The following PRR16 variants were observed in gnomAD, a reference collection of about 807,000 sequenced individuals.
PRR16 encodes the protein proline rich 16.
In PRR16, 6 loss-of-function variants were observed where a neutral mutation model predicts 18.2. The observed-to-expected ratio is 0.33, with a 90% confidence interval of 0.18 to 0.65. PRR16 has a LOEUF of 0.65. Ranked by LOEUF, PRR16 falls within the 30% of genes least tolerant of loss-of-function variation. The pLI, the probability that PRR16 is intolerant of heterozygous loss-of-function variation, is 0.74. For missense variants in PRR16, 412 were observed against 376.6 expected, an observed-to-expected ratio of 1.09 and a Z score of -0.78; for synonymous variants, 151 against 147.8, an observed-to-expected ratio of 1.02 and a Z score of -0.16.
chr5:120,752,174 A>G, the PRR16 span, among the ~76,000 whole-genome samples: 2 of 152,104 alleles, frequency 1.3e-5, no homozygotes, highest in African/African-American at 4.8e-5. Context: ...TTCCAAATAG[A>G]AAATTGGTCA....
At chr5:120,513,749 T>A (rs1270184336) in intron 1 of PRR16, among the ~76,000 whole-genome samples, 1 of 151,216 alleles carries the variant, frequency 6.6e-6, no homozygotes, top group African/African-American at 2.4e-5. Flanking sequence ...AACATAGAGA[T>A]CCCATCTGTT....
chr5:120,721,738 T>C, the PRR16 span, among the ~76,000 whole-genome samples: 671 of 152,168 alleles, frequency 4.4e-3, 5 homozygotes, highest in African/African-American at 0.016. Context: ...CTTGCTTCCA[T>C]GTTGAGAATA....
chr5:120,669,581 A>G (rs2150145199), intron 1 of PRR16, among the ~76,000 whole-genome samples: 1 of 152,204 alleles, frequency 6.6e-6, no homozygotes, highest in South Asian at 2.1e-4. Context: ...GAGCCCATAT[A>G]TCTAATCCTC....
the PRR16 span, among the ~76,000 whole-genome samples, chr5:120,701,549 C>T: frequency 3.3e-5 from 5 of 152,040 alleles, no homozygotes; most frequent in Non-Finnish European, 5.9e-5. Context: ...AACTGAAAGC[C>T]GGACCAGGTG....
At chr5:120,549,444 G>A (rs1752183723) in intron 1 of PRR16, among the ~76,000 whole-genome samples, 1 of 151,782 alleles carries the variant, frequency 6.6e-6, no homozygotes, top group South Asian at 2.1e-4. Context: ...AAATTCCAAT[G>A]TGTCCTTCCA....
chr5:120,686,671 A>C lies in PRR16; in HGVS notation c.877A>C (p.Lys293Gln), dbSNP rs1757138739. 2 of 1,568,984 alleles carry C rather than the reference A, an allele frequency of 1.3e-6. No homozygotes were observed. The highest frequency in any genetic ancestry group is 2.7e-5 in the African/African-American group (2 of 73,494). Reference sequence around the variant, plus strand: ...TCCTCCCACTGCACCAAAACCACAGAAGACGATCTTGAGGAAGTCAACCAC... The same window carrying C: ...TCCTCCCACTGCACCAAAACCACAGCAGACGATCTTGAGGAAGTCAACCAC... ...VPPPTAPKPQ[K>Q]TILRKSTTTT... Residue 293 changes from lysine to glutamine, a missense_variant, in exon 2 of 2, where the codon AAG becomes CAG. Lys to Gln is a moderately conservative substitution (Grantham distance 53). Transcript: ENST00000407149.
chr5:120,664,667 C>G (rs1260220510), intron 1 of PRR16, among the ~76,000 whole-genome samples: 1 of 151,864 alleles, frequency 6.6e-6, no homozygotes, highest in Non-Finnish European at 1.5e-5. Context: ...TCCATGTGTT[C>G]TCATTGTTCA....
At chr5:120,636,998 A>T (rs1755249641) in intron 1 of PRR16, among the ~76,000 whole-genome samples, 1 of 152,150 alleles carries the variant, frequency 6.6e-6, no homozygotes, top group Non-Finnish European at 1.5e-5. Context: ...TTCTCAAAAG[A>T]AGATATACAA....
At chr5:120,614,340 G>C (rs778360258) in intron 1 of PRR16, among the ~76,000 whole-genome samples, 1 of 152,124 alleles carries the variant, frequency 6.6e-6, no homozygotes, top group Non-Finnish European at 1.5e-5. Context: ...ACAGATTTGG[G>C]ATGTTGATTA....
At chr5:120,524,110 G>A (rs752982206) in intron 1 of PRR16, among the ~76,000 whole-genome samples, 1 of 152,090 alleles carries the variant, frequency 6.6e-6, no homozygotes, top group Non-Finnish European at 1.5e-5. Flanking sequence ...CTAAGACACA[G>A]AAGTTTATGT....
At chr5:120,699,205 A>G in the PRR16 span, among the ~76,000 whole-genome samples, 3 of 152,076 alleles carry the variant, frequency 2.0e-5, no homozygotes, top group African/African-American at 7.2e-5. Context: ...GAACACTGAG[A>G]AGTTATTTCC....
chr5:120,529,470 A>C (rs980892560), intron 1 of PRR16, among the ~76,000 whole-genome samples: 2 of 152,160 alleles, frequency 1.3e-5, no homozygotes, highest in African/African-American at 4.8e-5. Flanking sequence ...CTAAAACAAA[A>C]ATCTGATTTG....
chr5:120,746,282 G>A, the PRR16 span, among the ~76,000 whole-genome samples: 4 of 152,088 alleles, frequency 2.6e-5, no homozygotes, highest in Admixed American at 6.5e-5. Flanking sequence ...TGAGGGAAAT[G>A]AGATATGCTC....
At chr5:120,708,240 GTGT>G in the PRR16 span, among the ~76,000 whole-genome samples, 2 of 152,260 alleles carry the variant, frequency 1.3e-5, no homozygotes, top group African/African-American at 4.8e-5. Flanking sequence ...AAAGTAGTCA[GTGT>G]TGTTCATTAC....
intron 1 of PRR16, among the ~76,000 whole-genome samples, chr5:120,600,916 T>G (rs1328763858): frequency 2.0e-5 from 3 of 152,068 alleles, no homozygotes; most frequent in African/African-American, 7.2e-5. Flanking sequence ...TTGTTTTTTA[T>G]GGCTGTGTTA....
At chr5:120,703,253 T>C in the PRR16 span, among the ~76,000 whole-genome samples, 8,848 of 152,164 alleles carry the variant, frequency 0.058, 321 homozygotes, top group South Asian at 0.087. Context: ...AGGCAAGGAC[T>C]AGCCATTTAC....
At chr5:120,470,511 C>T (rs1023006943) in intron 1 of PRR16, among the ~76,000 whole-genome samples, 1 of 152,046 alleles carries the variant, frequency 6.6e-6, no homozygotes, top group Non-Finnish European at 1.5e-5. Context: ...ACATTTTCTA[C>T]TTTCTTGAAT....
Position 120,464,400 on chromosome 5 carries a change from C to A in PRR16, c.-87C>A. On this transcript the variant is annotated 5_prime_UTR_variant, in exon 1 of 2. Coordinates refer to ENST00000407149, the MANE Select transcript of PRR16 (RefSeq NM_001300783.2). ...CCAAGATGTGGGGGGACCGGGGCGG[C>A]AGCGGCCGTAGCAGCGCCAGGGACG... 1 of 1,414,880 alleles carries A rather than the reference C, an allele frequency of 7.1e-7. No homozygotes were observed. The highest frequency in any genetic ancestry group is 9.4e-7 in the Non-Finnish European group (1 of 1,068,046). 87.6% of individuals were successfully genotyped at this position (1,414,880 alleles called of 1,614,324 possible). A position where few individuals can be genotyped will look rare whatever the true frequency, so the allele number is the denominator to read the frequency against.
At chr5:120,495,782 C>T (rs2112834815) in intron 1 of PRR16, among the ~76,000 whole-genome samples, 1 of 152,068 alleles carries the variant, frequency 6.6e-6, no homozygotes, top group Non-Finnish European at 1.5e-5. Flanking sequence ...TGCTTCCTTT[C>T]TAATTTGTAT....
Sources: gnomAD v4.1 joint callset for allele counts (sites outside exome capture counted in the v4.1 genomes callset) on GRCh38, gnomAD v4.1.1 for gene constraint, MANE v1.5 for transcripts, NCBI Gene and HGNC (gene_info 2026-07-23, HGNC 2026-07-21) for gene names.